FAM227A: variants seen among roughly 807,000 people sequenced by gnomAD.
FAM227A encodes family with sequence similarity 227 member A, also known as protein FAM227A.
Under a neutral mutation model 74.7 loss-of-function variants are expected in FAM227A, and 80 were observed. The ratio of observed to expected loss-of-function variants is 1.07; its 90% CI spans 0.89 to 1.29. The LOEUF (loss-of-function observed/expected upper bound fraction) is 1.29, where lower values mean the gene tolerates loss of function less well. Ranked by LOEUF, FAM227A falls within the 50% of genes most tolerant of loss-of-function variation. The pLI is 0.00. For synonymous variants in FAM227A, 237 were observed against 241.8 expected, an observed-to-expected ratio of 0.98 and a Z score of 0.19; for missense variants, 654 against 683.4, an observed-to-expected ratio of 0.96 and a Z score of 0.48.
Position 38,641,980 on chromosome 22 carries a change from C to CGT in FAM227A, c.226-2258_226-2257dup, listed in dbSNP as rs1569235926. 2.0e-3 allele frequency among the ~76,000 whole-genome samples: 280 copies of CGT among 141,996 alleles called. 2 individuals are homozygous for CGT. The highest frequency in any genetic ancestry group is 8.3e-3 in the African/African-American group (275 of 33,108). The allele number at this position is 141,996 out of a possible 152,430, so 93.2% of individuals were successfully genotyped here. A position where few individuals can be genotyped will look rare whatever the true frequency, so the allele number is the denominator to read the frequency against. The stretch of plus-strand genomic sequence containing the variant: ...GTGTGTGTGTGTGTGTGTGTGCGCA[C>CGT]GTGTGTGTGCGCGTGTGTTTGAGAA... On this transcript the variant is annotated intron_variant, in intron 3 of 16. Transcript: ENST00000535113.
At chr22:38,589,258 G>A (rs935955008) in intron 16 of FAM227A, among the ~76,000 whole-genome samples, 3 of 152,146 alleles carry the variant, frequency 2.0e-5, no homozygotes, top group Non-Finnish European at 4.4e-5. Flanking sequence ...GGCAAAGGAA[G>A]ACTACCCTGA....
At chr22:38,595,969 A>AG (rs1569190521) in intron 15 of FAM227A, among the ~76,000 whole-genome samples, 7 of 18,612 alleles carry the variant, frequency 3.8e-4, no homozygotes, top group African/African-American at 1.5e-3. Flanking sequence ...AACAACTAAT[A>AG]AGGGGGGGGG....
chr22:38,595,221 A>C (rs1238763106), intron 15 of FAM227A, among the ~76,000 whole-genome samples: 1 of 152,224 alleles, frequency 6.6e-6, no homozygotes, highest in Non-Finnish European at 1.5e-5. Flanking sequence ...TCTAGCCAAT[A>C]GCAATTCCCT....
intron 6 of FAM227A, among the ~76,000 whole-genome samples, chr22:38,631,760 A>AT (rs1246072369): frequency 6.7e-6 from 1 of 148,382 alleles, no homozygotes; most frequent in East Asian, 1.9e-4. Context: ...GAAACTGGAC[A>AT]GGGGGAGAAA....
chr22:38,580,633 C>A lies in FAM227A; in HGVS notation c.*5492G>T, dbSNP rs1402319848. ...TCTGAATTTATTAGGTGGATTGTTT[C>A]TAAAGACAAGTTTCTGTTCCACTAC... is the stretch of plus-strand genomic sequence containing the variant. On this transcript the variant is annotated 3_prime_UTR_variant, in exon 17 of 17. Coordinates refer to ENST00000535113, the MANE Select transcript of FAM227A (RefSeq NM_001013647.2). The A allele has an allele frequency of 2.0e-5, 3 of 152,122 alleles. No homozygotes were observed. Among genetic ancestry groups the A allele is most frequent in the Non-Finnish European group, 4.4e-5 (3 of 68,010 alleles). The allele number at this position is 152,122 out of a possible 1,614,324, so 9.4% of individuals were successfully genotyped here.
At chr22:38,645,689 C>A in intron 2 of FAM227A, 44 bp from the exon 3 acceptor site, 1 of 1,268,904 alleles carries the variant, frequency 7.9e-7, no homozygotes, top group African/African-American at 1.5e-5. Flanking sequence ...GATGATTACA[C>A]ACACAACAGG....
At chr22:38,626,120 T>G in intron 9 of FAM227A, 60 bp downstream of exon 9, 2 of 1,530,348 alleles carry the variant, frequency 1.3e-6, no homozygotes, top group South Asian at 2.4e-5. Flanking sequence ...CATACCTAGG[T>G]GCCAGCGGAA....
At chr22:38,609,442 C>T (rs769138830) in intron 11 of FAM227A, among the ~76,000 whole-genome samples, 1 of 152,084 alleles carries the variant, frequency 6.6e-6, no homozygotes, top group South Asian at 2.1e-4. Context: ...GAAGCTAGAG[C>T]GAAGAACGCT....
At position 38,599,663 on chromosome 22, in the gene FAM227A, C is replaced by T. The variant is rs557943631; in HGVS notation, c.1379+101G>A. On this transcript the variant is annotated intron_variant, in intron 14 of 16. Coordinates refer to ENST00000535113, the MANE Select transcript of FAM227A (RefSeq NM_001013647.2). ...TGGCGAGTACACATGGTGTGCCAGGCGCTGTGCTAAGGCCTGGGTGCCATT... is the reference window on the plus strand; with the variant it reads ...TGGCGAGTACACATGGTGTGCCAGGTGCTGTGCTAAGGCCTGGGTGCCATT... 2.1e-5 allele frequency: 24 copies of T among 1,119,442 alleles called. 1 individual carries two copies. The South Asian group carries it at 3.2e-4, about 15-fold the overall frequency. The allele number at this position is 1,119,442 out of a possible 1,614,324, so 69.3% of individuals were successfully genotyped here. A position where few individuals can be genotyped will look rare whatever the true frequency, so the allele number is the denominator to read the frequency against.
intron 11 of FAM227A, 139 bp downstream of exon 11, chr22:38,620,073 A>G: frequency 1.6e-6 from 1 of 623,948 alleles, no homozygotes; most frequent in East Asian, 2.8e-5. Context: ...AGGGCTCCTC[A>G]CTTAGAAGAT....
At position 38,635,228 on chromosome 22, in the gene FAM227A, CAA is replaced by C. The variant is rs34498896; in HGVS notation, c.519+1221_519+1222del. 5.2e-3 allele frequency among the ~76,000 whole-genome samples: 348 copies of C among 67,390 alleles called. 2 individuals are homozygous for C. The highest frequency in any genetic ancestry group is 0.012 in the African/African-American group (213 of 18,504). The allele number at this position is 67,390 out of a possible 152,430, so 44.2% of individuals were successfully genotyped here. A position where few individuals can be genotyped will look rare whatever the true frequency, so the allele number is the denominator to read the frequency against. The stretch of plus-strand genomic sequence containing the variant: ...CTGGCGACAGAGCGAGACTCTGTCT[CAA>C]AAAAAAAAAAAAAAAAAAAGGAAGG... On this transcript the variant is annotated intron_variant, in intron 6 of 16. Coordinates refer to ENST00000535113, the MANE Select transcript of FAM227A (RefSeq NM_001013647.2).
At chr22:38,609,918 C>T (rs1020328102) in intron 11 of FAM227A, among the ~76,000 whole-genome samples, 1 of 152,052 alleles carries the variant, frequency 6.6e-6, no homozygotes, top group Non-Finnish European at 1.5e-5. Flanking sequence ...ACTACGGGCG[C>T]CCGCCACCAC....
At chr22:38,633,514 G>C (rs1482308053) in intron 6 of FAM227A, among the ~76,000 whole-genome samples, 1 of 152,154 alleles carries the variant, frequency 6.6e-6, no homozygotes, top group African/African-American at 2.4e-5. Flanking sequence ...TTTGAAAATA[G>C]AAGAAGTAAA....
chr22:38,601,191 T>C (rs1412753863), intron 13 of FAM227A, among the ~76,000 whole-genome samples: 1 of 151,996 alleles, frequency 6.6e-6, no homozygotes, highest in African/African-American at 2.4e-5. Context: ...TAACATGATA[T>C]GATGAATACT....
intron 15 of FAM227A, among the ~76,000 whole-genome samples, chr22:38,594,800 A>C (rs1423798796): frequency 1.3e-5 from 2 of 152,116 alleles, no homozygotes; most frequent in African/African-American, 4.8e-5. Flanking sequence ...GTCTCTACTA[A>C]AAATGCAAAA....
chr22:38,587,413 G>A (rs1282391332), intron 16 of FAM227A, among the ~76,000 whole-genome samples: 1 of 152,098 alleles, frequency 6.6e-6, no homozygotes, highest in African/African-American at 2.4e-5. Context: ...GTGAGAACAT[G>A]ATTACCGACC....
chr22:38,610,799 C>T (rs1404611764), intron 11 of FAM227A, among the ~76,000 whole-genome samples: 2 of 152,176 alleles, frequency 1.3e-5, no homozygotes, highest in Non-Finnish European at 2.9e-5. Flanking sequence ...CGGTGGCTCA[C>T]GCCTGCAATC....
chr22:38,603,105 C>T (rs2091211176), intron 13 of FAM227A, among the ~76,000 whole-genome samples: 1 of 152,158 alleles, frequency 6.6e-6, no homozygotes, highest in South Asian at 2.1e-4. Context: ...AACTCCTGAC[C>T]TTAGGTGATC....
chr22:38,614,916 C>A (rs535406078), intron 11 of FAM227A, among the ~76,000 whole-genome samples: 6 of 152,122 alleles, frequency 3.9e-5, no homozygotes, highest in Non-Finnish European at 7.3e-5. Flanking sequence ...TGGGAACTGA[C>A]GTTTACAGAG....
Sources: allele counts gnomAD v4.1 joint callset (sites outside exome capture counted in the v4.1 genomes callset), GRCh38; gene constraint gnomAD v4.1.1; transcripts MANE v1.5; gene names NCBI Gene and HGNC (gene_info 2026-07-23, HGNC 2026-07-21).